Variants in LARP1 observed in about 807,000 individuals in gnomAD.
LARP1 encodes la-related protein 1.
LARP1 carries 36 observed loss-of-function variants against 122.7 expected under a neutral mutation model. The observed-to-expected ratio is 0.29, with a 90% CI of 0.22 to 0.39. LARP1 has a LOEUF of 0.39. Among genes scored for constraint, LARP1 ranks in the 10% least tolerant of loss-of-function variants. The probability of loss-of-function intolerance (pLI) is 1.00; values close to 1 mark genes in which losing one functional copy is unlikely to be tolerated. For missense variants in LARP1, 1,040 were observed against 1,403.6 expected, an observed-to-expected ratio of 0.74 and a Z score of 4.14; for synonymous variants, 539 against 528.7, an observed-to-expected ratio of 1.02 and a Z score of -0.27.
chr5:154,709,470 T>C (rs1755106922), upstream of LARP1, among the ~76,000 whole-genome samples: 2 of 152,220 alleles, frequency 1.3e-5, no homozygotes, highest in Admixed American at 6.6e-5. Context: ...CGTGTTGCAA[T>C]GAACCCATAA....
At chr5:154,773,047 C>G (rs1272392557) in intron 1 of LARP1, among the ~76,000 whole-genome samples, 1 of 141,938 alleles carries the variant, frequency 7.0e-6, no homozygotes, top group Non-Finnish European at 1.5e-5. Context: ...GTTGGGACAA[C>G]TGGGAAGAGG....
chr5:154,691,740 T>TC (rs990691474), intron 1 of LARP1, among the ~76,000 whole-genome samples: 1 of 151,664 alleles, frequency 6.6e-6, no homozygotes, highest in African/African-American at 2.4e-5. Context: ...AGCCCTCGGT[T>TC]CATCCCCCAT....
chr5:154,778,725 G>A (rs974756248), intron 1 of LARP1, among the ~76,000 whole-genome samples: 1 of 152,144 alleles, frequency 6.6e-6, no homozygotes, highest in African/African-American at 2.4e-5. Context: ...TGGTGTCTGC[G>A]CCAGGACTGT....
chr5:154,687,008 C>G (rs146000864), intron 1 of LARP1, among the ~76,000 whole-genome samples: 1 of 152,140 alleles, frequency 6.6e-6, no homozygotes, highest in Non-Finnish European at 1.5e-5. Flanking sequence ...TCTCTTAGAC[C>G]GACCCCTCAG....
chr5:154,746,068 G>A (rs560707000), intron 1 of LARP1, among the ~76,000 whole-genome samples: 1 of 152,172 alleles, frequency 6.6e-6, no homozygotes, highest in African/African-American at 2.4e-5. Context: ...AGAGTGCCTG[G>A]ATTACAGGCG....
At chr5:154,719,699 T>C (rs1037847385) in intron 1 of LARP1, among the ~76,000 whole-genome samples, 1 of 151,196 alleles carries the variant, frequency 6.6e-6, no homozygotes, top group African/African-American at 2.4e-5. Flanking sequence ...CCATCTCTAC[T>C]AAAAATATAA....
intron 1 of LARP1, among the ~76,000 whole-genome samples, chr5:154,785,105 ATC>A (rs1756777404): frequency 6.6e-6 from 1 of 152,208 alleles, no homozygotes; most frequent in Non-Finnish European, 1.5e-5. Flanking sequence ...AAATTCCCCC[ATC>A]TGTCTTTCCT....
intron 1 of LARP1, among the ~76,000 whole-genome samples, chr5:154,777,413 G>A (rs1274832111): frequency 6.6e-6 from 1 of 151,886 alleles, no homozygotes; most frequent in African/African-American, 2.4e-5. Context: ...CCCAGCTACT[G>A]GGGAGGCTGA....
intron 1 of LARP1, among the ~76,000 whole-genome samples, chr5:154,725,388 CAAAA>C (rs34840033): frequency 1.6e-5 from 1 of 61,500 alleles, no homozygotes; most frequent in Non-Finnish European, 3.3e-5. Context: ...GACTCTGTCT[CAAAA>C]AAAAAAAAAA....
At chr5:154,731,894 C>T (rs1582229657) in intron 1 of LARP1, among the ~76,000 whole-genome samples, 1 of 151,862 alleles carries the variant, frequency 6.6e-6, no homozygotes, top group Admixed American at 6.6e-5. Flanking sequence ...TGATGGCCCG[C>T]GCCTGTAGTC....
At chr5:154,766,660 TG>T (rs955582476) in intron 1 of LARP1, among the ~76,000 whole-genome samples, 2 of 152,258 alleles carry the variant, frequency 1.3e-5, no homozygotes, top group Middle Eastern at 3.4e-3. Flanking sequence ...GGCTTCCAGG[TG>T]GCAGTCGGCC....
At chr5:154,804,935 G>A (rs531044978) in intron 14 of LARP1, 7 of 456,156 alleles carry the variant, frequency 1.5e-5, no homozygotes, top group African/African-American at 1.2e-4. Context: ...AAGGGCGTGG[G>A]GTGCCCAGCT....
intron 1 of LARP1, among the ~76,000 whole-genome samples, chr5:154,714,338 TG>T (rs1192974630): frequency 2.6e-5 from 4 of 152,248 alleles, no homozygotes; most frequent in African/African-American, 9.6e-5. Context: ...GAATCGTGGC[TG>T]CTTGTTTAAA....
At chr5:154,728,153 G>A (rs1756341815) in intron 1 of LARP1, among the ~76,000 whole-genome samples, 1 of 152,126 alleles carries the variant, frequency 6.6e-6, no homozygotes, top group South Asian at 2.1e-4. Context: ...CTTGGCAGGG[G>A]GTGTTAAAAT....
intron 1 of LARP1, among the ~76,000 whole-genome samples, chr5:154,737,870 A>G (rs1339209190): frequency 6.6e-6 from 1 of 151,624 alleles, no homozygotes; most frequent in Non-Finnish European, 1.5e-5. Flanking sequence ...GCTCTGCTCT[A>G]ACCACCCCTC....
intron 1 of LARP1, among the ~76,000 whole-genome samples, chr5:154,786,982 T>G (rs1265145568): frequency 6.6e-6 from 1 of 151,906 alleles, no homozygotes; most frequent in Non-Finnish European, 1.5e-5. Context: ...TGGGTTCAAG[T>G]GATTCTCCCA....
intron 14 of LARP1, chr5:154,805,295 G>A (rs149741807): frequency 5.3e-5 from 12 of 224,632 alleles, no homozygotes; most frequent in African/African-American, 7.1e-5. Flanking sequence ...GGTCTTCATC[G>A]TCGTGGTCTT....
chr5:154,800,541 C>G (rs1758262149), intron 10 of LARP1, among the ~76,000 whole-genome samples: 1 of 152,160 alleles, frequency 6.6e-6, no homozygotes. Context: ...GAAGCCTGTT[C>G]ATACCTCAAG....
At chr5:154,804,418 C>CT in intron 14 of LARP1, 111 bp downstream of exon 14, 2 of 816,656 alleles carry the variant, frequency 2.4e-6, no homozygotes, top group South Asian at 3.1e-5. Flanking sequence ...GGACCCTCAT[C>CT]TAAGAGGTTT....
Sources: gnomAD v4.1 joint callset for allele counts (sites outside exome capture counted in the v4.1 genomes callset) on GRCh38, gnomAD v4.1.1 for gene constraint, MANE v1.5 for transcripts, NCBI Gene and HGNC (gene_info 2026-07-23, HGNC 2026-07-21) for gene names.